The following NFASC variants were observed in gnomAD, a reference collection of about 807,000 sequenced individuals.
The protein encoded by NFASC is neurofascin homolog.
In NFASC, 43 loss-of-function variants were observed where a neutral mutation model predicts 147.5. That is an observed-to-expected ratio of 0.29 (90% CI 0.23 to 0.38). The LOEUF is 0.38. Ranked by LOEUF, NFASC falls within the 10% of genes least tolerant of loss-of-function variation. The probability of loss-of-function intolerance (pLI) is 1.00; values close to 1 mark genes in which losing one functional copy is unlikely to be tolerated. For missense variants in NFASC, 1,320 were observed against 1,689.0 expected (o/e 0.78, Z 3.83); for synonymous variants, 622 against 665.5 (o/e 0.93, Z 1.01).
At chr1:204,834,422 A>G (rs1317827621) in intron 1 of NFASC, among the ~76,000 whole-genome samples, 1 of 152,236 alleles carries the variant, frequency 6.6e-6, no homozygotes, top group Non-Finnish European at 1.5e-5. Context: ...TGCCTGGGGC[A>G]TGGTAGGGTC....
At chr1:204,940,981 G>A (rs1474330060) in intron 2 of NFASC, among the ~76,000 whole-genome samples, 1 of 152,176 alleles carries the variant, frequency 6.6e-6, no homozygotes, top group African/African-American at 2.4e-5. Flanking sequence ...GAGTCATATG[G>A]TAATTTTATG....
At position 204,891,677 on chromosome 1, in the gene NFASC, A is replaced by G. The variant is rs1558002459; in HGVS notation, c.-199-28955A>G. 5.3e-5 allele frequency among the ~76,000 whole-genome samples: 8 copies of G among 152,328 alleles called. No individual in the cohort carries two copies. In the South Asian group the frequency reaches 1.7e-3, roughly 32 times the overall value. On this transcript the variant is annotated intron_variant, in intron 1 of 29. Transcript: ENST00000339876. ...CACCTCTATAGCACTGTGGATGGGC[A>G]TCAGGATAGATTTTCTTTCAGTACT...
chr1:204,884,643 GC>G (rs1288247587), intron 1 of NFASC, among the ~76,000 whole-genome samples: 2 of 152,138 alleles, frequency 1.3e-5, no homozygotes, highest in Non-Finnish European at 2.9e-5. Flanking sequence ...GTGAGCCTCA[GC>G]TTGAAAAATG....
chr1:204,962,088 C>A (rs754675012), intron 8 of NFASC: 7 of 1,608,682 alleles, frequency 4.4e-6, no homozygotes, highest in Non-Finnish European at 6.0e-6. Context: ...TGTTTGCTCA[C>A]CCTCTTTTGT....
Position 205,020,532 on chromosome 1 carries a change from T to G in NFASC, c.*3993T>G, listed in dbSNP as rs2096393569. 1 of 152,220 alleles carries G rather than the reference T, an allele frequency of 6.6e-6. No homozygotes were observed. The highest frequency in any genetic ancestry group is 6.5e-5 in the Admixed American group (1 of 15,284). 9.4% of individuals were successfully genotyped at this position (152,220 alleles called of 1,614,324 possible). On this transcript the variant is annotated 3_prime_UTR_variant, in exon 30 of 30. Coordinates refer to ENST00000339876, the MANE Select transcript of NFASC (RefSeq NM_001005388.3). ...CCAGGGTTGGGCCCTGTTTAGGTAATTCCTGTTGGCAGCACCTAGAGAGAG... is the reference window on the plus strand; with the variant it reads ...CCAGGGTTGGGCCCTGTTTAGGTAAGTCCTGTTGGCAGCACCTAGAGAGAG...
intron 2 of NFASC, among the ~76,000 whole-genome samples, chr1:204,931,201 A>T (rs1385407193): frequency 6.6e-6 from 1 of 152,242 alleles, no homozygotes; most frequent in Non-Finnish European, 1.5e-5. Context: ...TATGATCATT[A>T]GTTCCAACTA....
intron 4 of NFASC, among the ~76,000 whole-genome samples, chr1:204,951,152 T>TTA (rs1436111876): frequency 6.8e-5 from 7 of 102,408 alleles, no homozygotes; most frequent in Non-Finnish European, 1.9e-5. Flanking sequence ...GCTATGGGAT[T>TTA]TTTTTTTTTT....
intron 1 of NFASC, among the ~76,000 whole-genome samples, chr1:204,866,148 C>T (rs2077087782): frequency 6.6e-6 from 1 of 152,132 alleles, no homozygotes; most frequent in Non-Finnish European, 1.5e-5. Context: ...CTTCCTTCCC[C>T]ATCAGCAGCA....
intron 1 of NFASC, among the ~76,000 whole-genome samples, chr1:204,872,818 G>A (rs556569877): frequency 6.6e-6 from 1 of 152,320 alleles, no homozygotes; most frequent in South Asian, 2.1e-4. Context: ...TTCACTGAGA[G>A]CCTTCTCCAT....
At chr1:204,862,216 A>G (rs773344517) in intron 1 of NFASC, among the ~76,000 whole-genome samples, 1 of 152,302 alleles carries the variant, frequency 6.6e-6, no homozygotes, top group East Asian at 1.9e-4. Context: ...TCTTGGCTCT[A>G]TCTTTCAACT....
At chr1:204,962,333 C>A (rs1029842510) in intron 8 of NFASC, among the ~76,000 whole-genome samples, 1 of 152,222 alleles carries the variant, frequency 6.6e-6, no homozygotes, top group African/African-American at 2.4e-5. Flanking sequence ...TTTGAGGTGG[C>A]TCACCTGGTG....
chr1:204,968,349 C>T lies in NFASC; in HGVS notation c.807C>T (p.Ile269=), dbSNP rs1055563619. The T allele has an allele frequency of 3.8e-5, 61 of 1,612,930 alleles. No individual in the cohort carries two copies. Among genetic ancestry groups the T allele is most frequent in the African/African-American group, 9.3e-5 (7 of 74,928 alleles). ...LRGMDLLLEC[I]ASGVPTPDIA... Reference sequence around the variant, plus strand: ...GCATGGACCTCCTGCTGGAATGCATCGCCTCCGGGGTGTATGTGCGGTTTG... The same window carrying T: ...GCATGGACCTCCTGCTGGAATGCATTGCCTCCGGGGTGTATGTGCGGTTTG... The change falls in exon 9 of 30, where the codon ATC becomes ATT. Residue 269 remains isoleucine, a synonymous_variant. Coordinates refer to ENST00000339876, the MANE Select transcript of NFASC (RefSeq NM_001005388.3). This position sits in a 1 kb window ranked among gnomAD's most constrained non-coding sequence, Gnocchi z 5.4.
chr1:204,959,643 G>A (rs1468867152), intron 8 of NFASC, among the ~76,000 whole-genome samples: 2 of 152,344 alleles, frequency 1.3e-5, no homozygotes, highest in East Asian at 1.9e-4. Context: ...TTGCCCAGAC[G>A]ACGCTAGAAA....
intron 3 of NFASC, 66 bp downstream of exon 3, chr1:204,944,472 G>GTTGGA: frequency 5.0e-6 from 2 of 402,570 alleles, no homozygotes; most frequent in Non-Finnish European, 5.0e-6. Context: ...GGAGGGGAGG[G>GTTGGA]AAGGTCAGAG....
Position 204,954,440 on chromosome 1 carries a change from G to C in NFASC, c.412+56G>C. 6.4e-7 allele frequency: 1 copy of C among 1,554,092 alleles called. No individual in the cohort carries two copies. Among genetic ancestry groups the C allele is most frequent in the Non-Finnish European group, 8.8e-7 (1 of 1,140,100 alleles). ...CTGCTCCTGGGTAAATGGAGAGTGG[G>C]GGGTGTGGAAGGCCATTCCAGAAGG... On this transcript the variant is annotated intron_variant, in intron 6 of 29. Transcript: ENST00000339876. The surrounding 1 kb of genome is among the most constrained non-coding windows in gnomAD (Gnocchi z 5.7).
intron 2 of NFASC, among the ~76,000 whole-genome samples, chr1:204,931,810 T>C (rs768420237): frequency 3.9e-5 from 6 of 152,176 alleles, no homozygotes; most frequent in Admixed American, 1.3e-4. Context: ...TTTCCCAAGC[T>C]AGAAACCTTG....
rs2077750381 is a variant in NFASC, at chr1:204,871,775, G to T, written c.-200+42993G>T. Among the ~76,000 whole-genome samples the T allele has an allele frequency of 2.6e-5, 4 of 152,208 alleles. No homozygotes were observed. In the South Asian group the frequency reaches 8.3e-4, roughly 32 times the overall value. ...CTTCATGCTAAACCAAAACAAGAGT[G>T]AAGACAGAGCCCACACAGGCTTATG... is the stretch of plus-strand genomic sequence containing the variant. On this transcript the variant is annotated intron_variant, in intron 1 of 29. Transcript: ENST00000339876.
chr1:204,835,895 A>T (rs1434381586), intron 1 of NFASC, among the ~76,000 whole-genome samples: 1 of 152,176 alleles, frequency 6.6e-6, no homozygotes, highest in East Asian at 1.9e-4. Context: ...GAGTGGATTG[A>T]TCAGATGCTA....
At chr1:204,861,078 CTTTTTTTTTTTT>C (rs1162020795) in intron 1 of NFASC, among the ~76,000 whole-genome samples, 2 of 68,948 alleles carry the variant, frequency 2.9e-5, no homozygotes, top group Non-Finnish European at 5.0e-5. Flanking sequence ...ACTTGCTTTC[CTTTTTTTTTTTT>C]TTTTTTTTTT....
Sources: allele counts gnomAD v4.1 joint callset (sites outside exome capture counted in the v4.1 genomes callset), GRCh38; gene constraint gnomAD v4.1.1; non-coding constraint Gnocchi (gnomAD v3.1); transcripts MANE v1.5; gene names NCBI Gene and HGNC (gene_info 2026-07-23, HGNC 2026-07-21).